SNX18: variants seen among roughly 807,000 people sequenced by gnomAD.
SNX18 encodes the protein sorting nexin 18, also known as sorting nexin-18.
In SNX18, 35 loss-of-function variants were observed where a neutral mutation model predicts 48.7. That is an observed-to-expected ratio of 0.72 (90% CI 0.55 to 0.95). The LOEUF is 0.95. SNX18 is among the 40% of genes least tolerant of loss of function. SNX18 has a pLI of 0.00. For synonymous variants in SNX18, 492 were observed against 384.7 expected (o/e 1.28, Z -3.26); for missense variants, 824 against 871.0 (o/e 0.95, Z 0.68).
intron 1 of SNX18, among the ~76,000 whole-genome samples, chr5:54,535,270 A>G (rs1762330854): frequency 1.3e-5 from 2 of 152,186 alleles, no homozygotes. Context: ...GTAGGAGGGG[A>G]TAGAAGTGAA....
At chr5:54,548,648 G>A (rs1194925915), downstream of SNX18, among the ~76,000 whole-genome samples, 1 of 152,212 alleles carries the variant, frequency 6.6e-6, no homozygotes, top group Non-Finnish European at 1.5e-5. Context: ...ACCATGTGAA[G>A]CCTTAACCAT....
downstream of SNX18, among the ~76,000 whole-genome samples, chr5:54,550,516 G>A (rs908271907): frequency 2.0e-5 from 3 of 152,110 alleles, no homozygotes; most frequent in Admixed American, 2.0e-4. Flanking sequence ...AAAAAAAGAG[G>A]CAGAGAAATA....
At chr5:54,519,849 A>C (rs751641742) in intron 1 of SNX18, 21 of 1,579,142 alleles carry the variant, frequency 1.3e-5, no homozygotes. Context: ...GAGTTTGAAT[A>C]GTTGAGTAAT....
chr5:54,628,351 ATTC>A, the SNX18 span, among the ~76,000 whole-genome samples: 1 of 152,074 alleles, frequency 6.6e-6, no homozygotes, highest in Non-Finnish European at 1.5e-5. Context: ...CCACTGCACT[ATTC>A]TTCTCCCTCC....
downstream of SNX18, among the ~76,000 whole-genome samples, chr5:54,548,665 A>G (rs528441754): frequency 2.6e-5 from 4 of 152,344 alleles, no homozygotes; most frequent in East Asian, 7.7e-4. Context: ...CCATTTTGCA[A>G]TACTCCCTCC....
At chr5:54,636,887 A>G in the SNX18 span, among the ~76,000 whole-genome samples, 1 of 152,238 alleles carries the variant, frequency 6.6e-6, no homozygotes, top group Non-Finnish European at 1.5e-5. Context: ...GGATGGGGCC[A>G]GGATTCAAAA....
At chr5:54,568,866 A>G in the SNX18 span, among the ~76,000 whole-genome samples, 1 of 111,746 alleles carries the variant, frequency 8.9e-6, no homozygotes, top group South Asian at 2.7e-4. Context: ...TTTTTGAGAC[A>G]GGGTCTTGCT....
the SNX18 span, among the ~76,000 whole-genome samples, chr5:54,555,930 T>C: frequency 6.6e-6 from 1 of 152,188 alleles, no homozygotes; most frequent in Non-Finnish European, 1.5e-5. Context: ...ACATTTGCTA[T>C]ACATTTATAA....
chr5:54,617,056 G>GAT, the SNX18 span, among the ~76,000 whole-genome samples: 1 of 152,164 alleles, frequency 6.6e-6, no homozygotes, highest in Non-Finnish European at 1.5e-5. Context: ...TTGATTTTGA[G>GAT]ATATAAACAC....
At chr5:54,613,732 C>T in the SNX18 span, among the ~76,000 whole-genome samples, 1 of 152,178 alleles carries the variant, frequency 6.6e-6, no homozygotes, top group South Asian at 2.1e-4. Context: ...GAGTTTTGCT[C>T]TTGTTGCCCA....
At chr5:54,579,287 G>A in the SNX18 span, among the ~76,000 whole-genome samples, 2 of 151,628 alleles carry the variant, frequency 1.3e-5, no homozygotes, top group Admixed American at 1.3e-4. Flanking sequence ...AGGCTGCAGT[G>A]AGCCAAGATT....
chr5:54,614,565 G>A, the SNX18 span, among the ~76,000 whole-genome samples: 2 of 152,118 alleles, frequency 1.3e-5, no homozygotes, highest in African/African-American at 4.8e-5. Context: ...CCACCACTTT[G>A]GGAGGCTGAG....
the SNX18 span, among the ~76,000 whole-genome samples, chr5:54,570,794 C>T: frequency 6.6e-6 from 1 of 152,180 alleles, no homozygotes; most frequent in African/African-American, 2.4e-5. Flanking sequence ...AGTCTTGGCT[C>T]TTCTGGAAAC....
chr5:54,568,694 T>C, the SNX18 span, among the ~76,000 whole-genome samples: 1 of 152,206 alleles, frequency 6.6e-6, no homozygotes, highest in Non-Finnish European at 1.5e-5. Context: ...AGTGGGCTTA[T>C]TTAGCTAAAA....
the SNX18 span, among the ~76,000 whole-genome samples, chr5:54,635,972 G>A: frequency 6.6e-6 from 1 of 152,156 alleles, no homozygotes; most frequent in Non-Finnish European, 1.5e-5. Context: ...TGACTGTTTT[G>A]ATGTGTTGGC....
chr5:54,539,908 G>C (rs1040530744), intron 1 of SNX18, among the ~76,000 whole-genome samples: 8 of 151,962 alleles, frequency 5.3e-5, no homozygotes, highest in African/African-American at 1.9e-4. Flanking sequence ...TTTCGCTCTT[G>C]TTGCCCGGGC....
At chr5:54,542,211 A>G (rs1423122880) in intron 1 of SNX18, among the ~76,000 whole-genome samples, 1 of 152,030 alleles carries the variant, frequency 6.6e-6, no homozygotes, top group Non-Finnish European at 1.5e-5. Flanking sequence ...AACATCCTCA[A>G]ACTTTTGTGT....
At chr5:54,550,811 C>G (rs1395715508), downstream of SNX18, among the ~76,000 whole-genome samples, 2 of 152,148 alleles carry the variant, frequency 1.3e-5, no homozygotes, top group African/African-American at 4.8e-5. Flanking sequence ...TCTCGAACTC[C>G]TGACCTCAGG....
the SNX18 span, among the ~76,000 whole-genome samples, chr5:54,555,576 T>G: frequency 4.6e-5 from 7 of 152,082 alleles, no homozygotes; most frequent in Non-Finnish European, 8.8e-5. Context: ...GGTTCATGCC[T>G]GTAATCCCAG....
Sources: allele counts gnomAD v4.1 joint callset (sites outside exome capture counted in the v4.1 genomes callset), GRCh38; gene constraint gnomAD v4.1.1; transcripts MANE v1.5; gene names NCBI Gene and HGNC (gene_info 2026-07-23, HGNC 2026-07-21).